DYNC1I1: variants seen among roughly 807,000 people sequenced by gnomAD.
DYNC1I1 encodes dynein cytoplasmic 1 intermediate chain 1, also known as cytoplasmic dynein 1 intermediate chain 1.
DYNC1I1 carries 43 observed loss-of-function variants against 86.6 expected under a neutral mutation model. The observed-to-expected ratio is 0.50, with a 90% CI of 0.39 to 0.64. The LOEUF (loss-of-function observed/expected upper bound fraction) is 0.64, where lower values mean the gene tolerates loss of function less well. DYNC1I1 is among the 30% of genes least tolerant of loss of function. DYNC1I1 has a pLI of 0.00. For missense variants in DYNC1I1, 604 were observed against 788.8 expected (o/e 0.77, Z 2.81); for synonymous variants, 262 against 283.7 (o/e 0.92, Z 0.77).
At chr7:95,887,882 T>G (rs1584129169) in intron 6 of DYNC1I1, among the ~76,000 whole-genome samples, 4 of 152,166 alleles carry the variant, frequency 2.6e-5, no homozygotes, top group Admixed American at 2.6e-4. Flanking sequence ...AATCAGACTC[T>G]CAAAGTTACC....
At position 96,076,043 on chromosome 7, in the gene DYNC1I1, T is replaced by C; in HGVS notation, c.1510-14T>C. 6.2e-7 allele frequency: 1 copy of C among 1,611,648 alleles called. No individual in the cohort carries two copies. Among genetic ancestry groups the C allele is most frequent in the Non-Finnish European group, 8.5e-7 (1 of 1,178,200 alleles). Reference sequence around the variant, plus strand: ...GCAGCGCCACAAAGTCTTCACGGTCTCTCTGCTTTACAGCACAACAAGCCG... The same window carrying C: ...GCAGCGCCACAAAGTCTTCACGGTCCCTCTGCTTTACAGCACAACAAGCCG... On this transcript the variant is annotated splice_polypyrimidine_tract_variant and intron_variant, in intron 14 of 16. Transcript: ENST00000447467.
intron 6 of DYNC1I1, among the ~76,000 whole-genome samples, chr7:95,870,377 A>C (rs1180303259): frequency 9.9e-5 from 1 of 10,132 alleles, no homozygotes; most frequent in African/African-American, 1.4e-4. Flanking sequence ...GGCTTAGCAA[A>C]CTATAGCCCA....
chr7:95,857,260 A>C (rs897549076), intron 5 of DYNC1I1, among the ~76,000 whole-genome samples: 5 of 152,194 alleles, frequency 3.3e-5, no homozygotes, highest in Admixed American at 2.0e-4. Flanking sequence ...TTCATTAGGT[A>C]GTAGGCCTCA....
At chr7:95,775,317 A>T (rs543100133) in intron 1 of DYNC1I1, among the ~76,000 whole-genome samples, 1 of 152,284 alleles carries the variant, frequency 6.6e-6, no homozygotes, top group African/African-American at 2.4e-5. Flanking sequence ...CTCTTATCTC[A>T]TTTTAATTCT....
At chr7:96,029,553 G>A in intron 11 of DYNC1I1, among the ~76,000 whole-genome samples, 1 of 152,134 alleles carries the variant, frequency 6.6e-6, no homozygotes, top group East Asian at 1.9e-4. Flanking sequence ...TCTTTTGTGA[G>A]TAACTTAGAG....
chr7:96,046,803 G>A (rs1789229425), intron 14 of DYNC1I1, among the ~76,000 whole-genome samples: 1 of 152,178 alleles, frequency 6.6e-6, no homozygotes, highest in African/African-American at 2.4e-5. Flanking sequence ...TAGCATCTGA[G>A]TGAAGAATGG....
chr7:95,811,814 A>G (rs1346633207), intron 3 of DYNC1I1, among the ~76,000 whole-genome samples: 1 of 152,132 alleles, frequency 6.6e-6, no homozygotes, highest in Non-Finnish European at 1.5e-5. Context: ...ATCTGATATG[A>G]GTTAGACACA....
intron 1 of DYNC1I1, among the ~76,000 whole-genome samples, chr7:95,788,921 G>C (rs1415005308): frequency 1.3e-5 from 2 of 152,086 alleles, no homozygotes; most frequent in Non-Finnish European, 2.9e-5. Flanking sequence ...AGCATGCATG[G>C]TCTTGAAAAT....
At chr7:95,982,549 G>T (rs1793483505) in intron 7 of DYNC1I1, among the ~76,000 whole-genome samples, 3 of 152,080 alleles carry the variant, frequency 2.0e-5, no homozygotes, top group African/African-American at 7.2e-5. Context: ...CAAGGTAATG[G>T]ACCTGTAAGG....
intron 10 of DYNC1I1, among the ~76,000 whole-genome samples, chr7:96,024,338 C>T (rs1794625540): frequency 6.6e-6 from 1 of 152,122 alleles, no homozygotes; most frequent in Non-Finnish European, 1.5e-5. Flanking sequence ...CTCAACCAAT[C>T]CTCCCACCTT....
At chr7:96,003,133 G>C (rs1039480943) in intron 10 of DYNC1I1, among the ~76,000 whole-genome samples, 1 of 152,202 alleles carries the variant, frequency 6.6e-6, no homozygotes, top group Non-Finnish European at 1.5e-5. Context: ...GTGAGCCATT[G>C]TACCCGGCTG....
intron 7 of DYNC1I1, 93 bp from the exon 8 acceptor site, chr7:95,984,722 G>A (rs998632975): frequency 2.4e-6 from 3 of 1,245,858 alleles, no homozygotes; most frequent in African/African-American, 3.1e-5. Context: ...TTGATAAGCA[G>A]TCTCTCTCAA....
At position 96,028,182 on chromosome 7, in the gene DYNC1I1, T is replaced by C. The variant is rs1794726491; in HGVS notation, c.977T>C (p.Val326Ala). The C allele has an allele frequency of 6.2e-7, 1 of 1,613,768 alleles. No homozygotes were observed. The highest frequency in any genetic ancestry group is 1.3e-5 in the African/African-American group (1 of 74,910). Residue 326 changes from valine (V) to alanine (A), a missense_variant, in exon 11 of 17, where the codon GTG (valine) becomes GCG (alanine). Physicochemically the swap from Val to Ala is moderately conservative, Grantham distance 64 (BLOSUM62 0). Transcript: ENST00000447467. ...TCTCCTTTTCCCTGACAGTCCTCTG[T>C]GATGTCGGTCTGCTTCGCCCGTTTC... ...PEYVFHCQSS[V>A]MSVCFARFHP...
At chr7:95,982,869 G>A (rs917523667) in intron 7 of DYNC1I1, among the ~76,000 whole-genome samples, 3 of 152,132 alleles carry the variant, frequency 2.0e-5, no homozygotes, top group African/African-American at 2.4e-5. Flanking sequence ...ATATTCTGGA[G>A]TGAAATAATT....
At chr7:95,931,303 C>T (rs1452734380) in intron 6 of DYNC1I1, among the ~76,000 whole-genome samples, 2 of 152,114 alleles carry the variant, frequency 1.3e-5, no homozygotes, top group East Asian at 3.9e-4. Context: ...GTTTGCACCA[C>T]CACACCCAGC....
chr7:96,099,261 CAT>C (rs1159534846), downstream of DYNC1I1, among the ~76,000 whole-genome samples: 1 of 152,198 alleles, frequency 6.6e-6, no homozygotes, highest in African/African-American at 2.4e-5. Context: ...GTTACAAGAA[CAT>C]GTGTTCTTAT....
At chr7:95,852,890 T>C (rs1342461973) in intron 5 of DYNC1I1, among the ~76,000 whole-genome samples, 1 of 152,210 alleles carries the variant, frequency 6.6e-6, no homozygotes, top group Non-Finnish European at 1.5e-5. Flanking sequence ...AACATTAGAT[T>C]ATTTAATTTC....
intron 10 of DYNC1I1, among the ~76,000 whole-genome samples, chr7:96,004,990 A>AT (rs1794106561): frequency 6.6e-6 from 1 of 152,230 alleles, no homozygotes; most frequent in Non-Finnish European, 1.5e-5. Context: ...TGATGTGTTG[A>AT]TTTTTAAATT....
chr7:95,856,743 G>C (rs1395573088), intron 5 of DYNC1I1, among the ~76,000 whole-genome samples: 2 of 152,126 alleles, frequency 1.3e-5, no homozygotes, highest in African/African-American at 4.8e-5. Flanking sequence ...CACTTTGGGA[G>C]GCTGAGGCAG....
Sources: gnomAD v4.1 joint callset for allele counts (sites outside exome capture counted in the v4.1 genomes callset) on GRCh38, gnomAD v4.1.1 for gene constraint, MANE v1.5 for transcripts, NCBI Gene and HGNC (gene_info 2026-07-23, HGNC 2026-07-21) for gene names.